CCDC141: variants seen among roughly 807,000 people sequenced by gnomAD.
CCDC141 encodes the protein coiled-coil domain-containing protein 141.
A neutral mutation model predicts 181.0 loss-of-function variants in CCDC141; 168 were observed. That is an observed-to-expected ratio of 0.93 (90% CI 0.82 to 1.05). CCDC141 has a LOEUF of 1.05. Ranked by LOEUF, CCDC141 falls within the 50% of genes least tolerant of loss-of-function variation. CCDC141 has a pLI of 0.00. For synonymous variants in CCDC141, 666 were observed against 642.3 expected, an observed-to-expected ratio of 1.04 and a Z score of -0.56; for missense variants, 1,902 against 1,788.5, an observed-to-expected ratio of 1.06 and a Z score of -1.14.
At chr2:178,846,947 A>T (rs373376786) in intron 21 of CCDC141, among the ~76,000 whole-genome samples, 1 of 152,348 alleles carries the variant, frequency 6.6e-6, no homozygotes. Context: ...AACTTTGAAA[A>T]GAGAGCCATA....
At position 178,944,481 on chromosome 2, in the gene CCDC141, A is replaced by G. The variant is rs1020626472; in HGVS notation, c.897+54T>C. ...TAAATTACCCACAGAAGTATATTCA[A>G]GAAAAGTTAATGCATTTTTCAATTA... is the stretch of plus-strand genomic sequence containing the variant. On this transcript the variant is annotated intron_variant, in intron 6 of 23. Coordinates refer to ENST00000443758, the MANE Select transcript of CCDC141 (RefSeq NM_173648.4). The G allele has an allele frequency of 4.9e-6, 4 of 808,546 alleles. No individual in the cohort carries two copies. In the Admixed American group the frequency reaches 1.3e-4, roughly 25 times the overall value. The allele number at this position is 808,546 out of a possible 1,614,324, so 50.1% of individuals were successfully genotyped here.
At position 178,953,023 on chromosome 2, in the gene CCDC141, A is replaced by T. The variant is rs567761485; in HGVS notation, c.780+8207T>A. 7.9e-5 allele frequency among the ~76,000 whole-genome samples: 12 copies of T among 152,380 alleles called. No homozygotes were observed. In the South Asian group the frequency reaches 1.0e-3, roughly 13 times the overall value. On this transcript the variant is annotated intron_variant, in intron 5 of 23. Coordinates refer to ENST00000443758, the MANE Select transcript of CCDC141 (RefSeq NM_173648.4). ...CCAGATTTGCAAACATGAAAATAAA[A>T]GGTAATGCTCAACATTGACCAATGT...
chr2:178,972,613 T>C (rs888404351), intron 4 of CCDC141, among the ~76,000 whole-genome samples: 6 of 152,106 alleles, frequency 3.9e-5, no homozygotes, highest in Non-Finnish European at 8.8e-5. Flanking sequence ...CAGAAAACAG[T>C]GTTTAATTAT....
rs186655714 is a variant in CCDC141 at position 179,008,037 on chromosome 2, A to G, written c.226-29362T>C. Among the ~76,000 whole-genome samples the G allele has an allele frequency of 1.1e-4, 17 of 152,256 alleles. 1 individual carries two copies. The highest frequency in any genetic ancestry group is 4.1e-4 in the African/African-American group (17 of 41,560). ...CTGATGTCATCGTCTATGTTCTAAG[A>G]TCTGTTTTCTTCTTCAGAGCAGATA... On this transcript the variant is annotated intron_variant, in intron 2 of 23. Coordinates refer to ENST00000443758, the MANE Select transcript of CCDC141 (RefSeq NM_173648.4).
intron 2 of CCDC141, among the ~76,000 whole-genome samples, chr2:179,005,101 C>G (rs2042086381): frequency 6.6e-6 from 1 of 152,140 alleles, no homozygotes; most frequent in Non-Finnish European, 1.5e-5. Flanking sequence ...CACCAAAGAG[C>G]TTACAATTTA....
intron 8 of CCDC141, among the ~76,000 whole-genome samples, chr2:178,890,965 T>C (rs1378883886): frequency 6.6e-6 from 1 of 152,118 alleles, no homozygotes; most frequent in Admixed American, 6.6e-5. Flanking sequence ...AAAGTAGCAA[T>C]AACTTCAATT....
intron 6 of CCDC141, among the ~76,000 whole-genome samples, chr2:178,943,367 C>A (rs1276141430): frequency 6.6e-6 from 1 of 152,160 alleles, no homozygotes; most frequent in Non-Finnish European, 1.5e-5. Context: ...AAACCAAAGA[C>A]TTTGAATGCC....
chr2:179,015,101 T>TATC (rs1229238564), intron 2 of CCDC141, among the ~76,000 whole-genome samples: 1 of 36,436 alleles, frequency 2.7e-5, no homozygotes, highest in African/African-American at 6.8e-5. Context: ...TATATATATA[T>TATC]ATAATATATA....
intron 7 of CCDC141, among the ~76,000 whole-genome samples, chr2:178,912,020 A>G (rs1002775607): frequency 6.6e-6 from 1 of 152,192 alleles, no homozygotes; most frequent in Middle Eastern, 3.2e-3. Context: ...TCCTATGAAC[A>G]ATTTCATGTA....
At position 178,872,267 on chromosome 2, in the gene CCDC141, T is replaced by G. The variant is rs1373582209; in HGVS notation, c.1945A>C (p.Met649Leu). 6.2e-6 allele frequency: 10 copies of G among 1,613,940 alleles called. No homozygotes were observed. Among genetic ancestry groups the G allele is most frequent in the Non-Finnish European group, 8.5e-6 (10 of 1,179,950 alleles). The change falls in exon 13 of 24, where the codon ATG becomes CTG. Residue 649 changes from methionine to leucine, a missense_variant. Coordinates refer to ENST00000443758, the MANE Select transcript of CCDC141 (RefSeq NM_173648.4). ...TTCTGGTTTTCCATGGTGTTCTTCA[T>G]GAGGTACACTTCATTTTTCACATCT... ...ILDVKNEVYL[M>L]KNTMENQKAE... is the part of the protein sequence containing the mutation.
Position 178,979,114 on chromosome 2 carries a change from T to C in CCDC141, c.226-439A>G, listed in dbSNP as rs75819834. On this transcript the variant is annotated intron_variant, in intron 2 of 23. Coordinates refer to ENST00000443758, the MANE Select transcript of CCDC141 (RefSeq NM_173648.4). ...TTAGTTGTTAATATGACCGTGACGA[T>C]TAATGTAAATATTAAGAGTAGATTT... 2.0e-5 allele frequency among the ~76,000 whole-genome samples: 3 copies of C among 152,190 alleles called. No homozygotes were observed. The East Asian group carries it at 5.8e-4, about 29-fold the overall frequency.
At chr2:178,922,124 T>G (rs1271758707) in intron 6 of CCDC141, among the ~76,000 whole-genome samples, 1 of 152,188 alleles carries the variant, frequency 6.6e-6, no homozygotes, top group East Asian at 1.9e-4. Flanking sequence ...CTAACAACAC[T>G]AAGCTCTAGG....
At chr2:178,870,231 C>CAAA (rs34625707) in intron 14 of CCDC141, among the ~76,000 whole-genome samples, 9,835 of 60,200 alleles carry the variant, frequency 0.16, 1,360 homozygotes, top group Non-Finnish European at 0.21. Context: ...GACTCTGTCT[C>CAAA]AAAAAAAAAA....
rs1045755196 is a variant in CCDC141 at position 178,922,339 on chromosome 2, G to C, written c.898-3432C>G. ...TTGCCCAAGATGTCAACATTAGTAA[G>C]AGAAAGAGCCAAATTTCAAACTCAG... On this transcript the variant is annotated intron_variant, in intron 6 of 23. Transcript: ENST00000443758. 2.6e-5 allele frequency among the ~76,000 whole-genome samples: 4 copies of C among 152,316 alleles called. No individual in the cohort carries two copies. In the East Asian group the frequency reaches 7.7e-4, roughly 29 times the overall value.
chr2:178,915,574 A>G (rs1351877399), intron 7 of CCDC141, among the ~76,000 whole-genome samples: 1 of 152,248 alleles, frequency 6.6e-6, no homozygotes, highest in African/African-American at 2.4e-5. Flanking sequence ...TTCAAGAATG[A>G]AATTGATTTT....
intron 2 of CCDC141, among the ~76,000 whole-genome samples, chr2:178,983,043 C>T (rs1482924790): frequency 6.6e-6 from 1 of 152,198 alleles, no homozygotes; most frequent in Non-Finnish European, 1.5e-5. Context: ...CAGCAGTAAC[C>T]TCTGCAGACT....
intron 2 of CCDC141, among the ~76,000 whole-genome samples, chr2:178,991,772 C>A (rs1234441047): frequency 6.6e-6 from 1 of 151,870 alleles, no homozygotes; most frequent in Non-Finnish European, 1.5e-5. Context: ...TAGAAATGTA[C>A]CAAAATATCA....
intron 20 of CCDC141, 84 bp from the exon 21 acceptor site, chr2:178,850,245 C>A: frequency 1.4e-6 from 1 of 714,230 alleles, no homozygotes; most frequent in Non-Finnish European, 2.5e-6. Flanking sequence ...ATCTCCCTGT[C>A]CAGTGTAAGG....
chr2:179,000,467 G>C (rs2041936878), intron 2 of CCDC141, among the ~76,000 whole-genome samples: 2 of 152,086 alleles, frequency 1.3e-5, no homozygotes, highest in African/African-American at 4.8e-5. Flanking sequence ...TTCACCATCT[G>C]ACCCTTTTAC....
Sources: gnomAD v4.1 joint callset for allele counts (sites outside exome capture counted in the v4.1 genomes callset) on GRCh38, gnomAD v4.1.1 for gene constraint, MANE v1.5 for transcripts, NCBI Gene and HGNC (gene_info 2026-07-23, HGNC 2026-07-21) for gene names.